The following ZNF90 variants were observed in gnomAD, a reference collection of about 807,000 sequenced individuals.
ZNF90 encodes the protein zinc finger protein 90.
ZNF90 carries 11 observed loss-of-function variants against 12.0 expected under a neutral mutation model. That is an observed-to-expected ratio of 0.92 (90% confidence interval 0.58 to 1.52). The LOEUF is 1.52. ZNF90 is among the 40% of genes most tolerant of loss of function. The probability of loss-of-function intolerance (pLI) is 0.00; values close to 1 mark genes in which losing one functional copy is unlikely to be tolerated. For missense variants in ZNF90, 765 were observed against 711.5 expected (o/e 1.08, Z -0.86); for synonymous variants, 232 against 240.1 (o/e 0.97, Z 0.31).
intron 1 of ZNF90, among the ~76,000 whole-genome samples, chr19:20,080,818 T>G (rs928775570): frequency 6.6e-6 from 1 of 152,134 alleles, no homozygotes; most frequent in East Asian, 1.9e-4. Flanking sequence ...CTCTGGGTGG[T>G]GTCAGATTTC....
Position 20,119,597 on chromosome 19 carries a change from C to A in ZNF90, c.*237C>A. ...AACTCTACAGGTGTGAAAAATGCAGCAAAGCCTATAACAAGTTCTCAATTC... is the reference window on the plus strand; with the variant it reads ...AACTCTACAGGTGTGAAAAATGCAGAAAAGCCTATAACAAGTTCTCAATTC... On this transcript the variant is annotated 3_prime_UTR_variant, in exon 4 of 4. Transcript: ENST00000418063. 1 of 428,208 alleles carries A rather than the reference C, an allele frequency of 2.3e-6. No homozygotes were observed. Among genetic ancestry groups the A allele is most frequent in the Non-Finnish European group, 4.1e-6 (1 of 244,604 alleles). 26.5% of individuals were successfully genotyped at this position (428,208 alleles called of 1,614,324 possible).
At chr19:20,117,432 C>CTT (rs2089149727) in intron 3 of ZNF90, 1 of 145,998 alleles carries the variant, frequency 6.8e-6, no homozygotes, top group Non-Finnish European at 1.5e-5. Flanking sequence ...TTCTTCCTTC[C>CTT]CTCCTTCCCT....
intron 3 of ZNF90, among the ~76,000 whole-genome samples, chr19:20,117,013 T>TTG (rs371655051): frequency 0.04 from 5,130 of 128,582 alleles, 118 homozygotes; most frequent in South Asian, 0.075. Context: ...CAACTTACAT[T>TTG]TGTGTGTGTG....
At chr19:20,095,092 AAAGG>A (rs1555703106) in intron 1 of ZNF90, among the ~76,000 whole-genome samples, 1 of 152,016 alleles carries the variant, frequency 6.6e-6, no homozygotes, top group African/African-American at 2.4e-5. Flanking sequence ...GGTCTGTAGA[AAAGG>A]AAGACTGGAA....
chr19:20,083,676 T>G (rs1261244884), intron 1 of ZNF90, among the ~76,000 whole-genome samples: 1 of 152,174 alleles, frequency 6.6e-6, no homozygotes, highest in Non-Finnish European at 1.5e-5. Context: ...TCGATGTTAT[T>G]GCAAAGGACA....
At chr19:20,102,713 T>A (rs1555704003) in intron 1 of ZNF90, among the ~76,000 whole-genome samples, 1 of 152,162 alleles carries the variant, frequency 6.6e-6, no homozygotes, top group African/African-American at 2.4e-5. Flanking sequence ...TGGGGAAAAC[T>A]GTGGTCCTTA....
At chr19:20,088,742 T>C (rs2088879200) in intron 1 of ZNF90, among the ~76,000 whole-genome samples, 1 of 152,180 alleles carries the variant, frequency 6.6e-6, no homozygotes, top group Non-Finnish European at 1.5e-5. Context: ...TGATAAAGTT[T>C]GTGATATGTC....
intron 1 of ZNF90, among the ~76,000 whole-genome samples, chr19:20,096,348 G>A (rs143849186): frequency 0.012 from 1,879 of 152,254 alleles, 20 homozygotes; most frequent in Middle Eastern, 0.034. Flanking sequence ...ATGCATGTCC[G>A]TGTGAAGAGA....
intron 1 of ZNF90, among the ~76,000 whole-genome samples, chr19:20,094,998 G>C (rs2088931653): frequency 6.6e-6 from 1 of 152,110 alleles, no homozygotes; most frequent in Admixed American, 6.5e-5. Context: ...GGATTATAGG[G>C]TGGAGGAGTG....
chr19:20,093,993 A>C (rs1406878792), intron 1 of ZNF90, among the ~76,000 whole-genome samples: 3 of 152,226 alleles, frequency 2.0e-5, no homozygotes, highest in Admixed American at 2.0e-4. Flanking sequence ...TCTGATTTGC[A>C]GTGAGTCCCT....
chr19:20,078,279 C>T lies in ZNF90; in HGVS notation c.3+144C>T, dbSNP rs546632816. Reference sequence around the variant, plus strand: ...TCCTTGCCCAGTTCGGCCTCAGTCCCCTTCAGCCATAAGATGGCAACAGCG... The same window carrying T: ...TCCTTGCCCAGTTCGGCCTCAGTCCTCTTCAGCCATAAGATGGCAACAGCG... On this transcript the variant is annotated intron_variant, in intron 1 of 3. Coordinates refer to ENST00000418063, the MANE Select transcript of ZNF90 (RefSeq NM_007138.2). 5.0e-5 allele frequency: 55 copies of T among 1,097,474 alleles called. 1 individual carries two copies. The South Asian group carries it at 7.3e-4, about 15-fold the overall frequency. The allele number at this position is 1,097,474 out of a possible 1,614,324, so 68.0% of individuals were successfully genotyped here. A position where few individuals can be genotyped will look rare whatever the true frequency, so the allele number is the denominator to read the frequency against.
chr19:20,113,471 C>T (rs1362174727), intron 3 of ZNF90, among the ~76,000 whole-genome samples: 4 of 151,472 alleles, frequency 2.6e-5, no homozygotes, highest in African/African-American at 9.7e-5. Context: ...GGGATACAGG[C>T]GTAAGCCACC....
rs782276693 is a variant in ZNF90, at chr19:20,118,791, A to G, written c.1237A>G (p.Thr413Ala). 3 of 1,605,842 alleles carry G rather than the reference A, an allele frequency of 1.9e-6. No individual in the cohort carries two copies. The highest frequency in any genetic ancestry group is 1.7e-6 in the Non-Finnish European group (2 of 1,175,952). The change falls in exon 4 of 4, where the codon ACT becomes GCT. Residue 413 changes from threonine (T) to alanine (A), a missense_variant. Thr to Ala is a moderately conservative substitution (Grantham distance 58). Transcript: ENST00000418063. The stretch of plus-strand genomic sequence containing the variant: ...AGCCTTCAAGCGCTCCTCAACACTT[A>G]CTATACATAAGATAAGTCATACTGA... Reference protein sequence around the residue: ...GKAFKRSSTLTIHKISHTEEK... With the variant: ...GKAFKRSSTLAIHKISHTEEK...
intron 3 of ZNF90, among the ~76,000 whole-genome samples, chr19:20,108,867 C>G (rs1247790771): frequency 1.3e-5 from 2 of 150,988 alleles, no homozygotes; most frequent in Non-Finnish European, 2.9e-5. Context: ...GCTGGGACTA[C>G]AGGCGTGCCA....
chr19:20,085,797 G>A (rs1353039058), intron 1 of ZNF90, among the ~76,000 whole-genome samples: 1 of 152,052 alleles, frequency 6.6e-6, no homozygotes, highest in African/African-American at 2.4e-5. Context: ...CATATTAACA[G>A]CTAAATAAAC....
rs1555704366 is a variant in ZNF90 at position 20,106,044 on chromosome 19, C to CATTTTTTTTTTT, written c.226+728_226+729insATTTTTTTTTTT. Among the ~76,000 whole-genome samples the CATTTTTTTTTTT allele has an allele frequency of 3.4e-4, 24 of 71,042 alleles. 1 individual carries two copies. The highest frequency in any genetic ancestry group is 8.0e-4 in the African/African-American group (15 of 18,800). The allele number at this position is 71,042 out of a possible 152,430, so 46.6% of individuals were successfully genotyped here. On this transcript the variant is annotated intron_variant, in intron 3 of 3. Coordinates refer to ENST00000418063, the MANE Select transcript of ZNF90 (RefSeq NM_007138.2). ...TTATTTGGAACTTCTCTAATTTTTTCTTTTTTTTTTTTTTTTTTTTTTTGG... is the reference window on the plus strand; with the variant it reads ...TTATTTGGAACTTCTCTAATTTTTTCATTTTTTTTTTTTTTTTTTTTTTTTTTTTTTTTTTGG...
intron 1 of ZNF90, among the ~76,000 whole-genome samples, chr19:20,085,268 C>CTTTTTTTTTTCTTTTTT (rs56068843): frequency 2.2e-5 from 3 of 135,570 alleles, no homozygotes; most frequent in East Asian, 2.5e-4. Context: ...TTGCATTGGT[C>CTTTTTTTTTTCTTTTTT]TTTTTTTTTT....
At chr19:20,086,239 T>C (rs1427560048) in intron 1 of ZNF90, among the ~76,000 whole-genome samples, 58 of 144,848 alleles carry the variant, frequency 4.0e-4, no homozygotes, top group East Asian at 2.6e-3. Context: ...TTTCTTTTTT[T>C]TTTTTTTTTT....
At chr19:20,086,482 C>T (rs943949699) in intron 1 of ZNF90, among the ~76,000 whole-genome samples, 15 of 151,686 alleles carry the variant, frequency 9.9e-5, no homozygotes, top group Non-Finnish European at 1.6e-4. Flanking sequence ...GTGATCCACC[C>T]GCCTCAGCCT....
Sources: allele counts gnomAD v4.1 joint callset (sites outside exome capture counted in the v4.1 genomes callset), GRCh38; gene constraint gnomAD v4.1.1; transcripts MANE v1.5; gene names NCBI Gene and HGNC (gene_info 2026-07-23, HGNC 2026-07-21).